Variants in PLK2 observed in about 807,000 individuals in gnomAD.
PLK2 encodes the protein serine/threonine-protein kinase PLK2.
In PLK2, 25 loss-of-function variants were observed where a neutral mutation model predicts 78.1. The observed-to-expected ratio is 0.32, with a 90% CI of 0.23 to 0.45. The LOEUF (loss-of-function observed/expected upper bound fraction) is 0.45, where lower values mean the gene tolerates loss of function less well. Among genes scored for constraint, PLK2 ranks in the 20% least tolerant of loss-of-function variants. The probability of loss-of-function intolerance (pLI) is 1.00; values close to 1 mark genes in which losing one functional copy is unlikely to be tolerated. For synonymous variants in PLK2, 332 were observed against 298.2 expected (o/e 1.11, Z -1.17); for missense variants, 566 against 840.2 (o/e 0.67, Z 4.04).
chr5:58,455,517 T>C (rs904891922), intron 11 of PLK2, 22 bp downstream of exon 11: 9 of 1,613,630 alleles, frequency 5.6e-6, no homozygotes, highest in Non-Finnish European at 6.8e-6. Context: ...ACTGACAGGA[T>C]TTCATTAATT....
At position 58,457,099 on chromosome 5, in the gene PLK2, A is replaced by C; in HGVS notation, c.1009-7T>G. ...GTCTGTCCGGAGTGAAGCCCTGTGG[A>C]ATATTAGAAAAAGCCTTCAGTAACC... On this transcript the variant is annotated splice_polypyrimidine_tract_variant and splice_region_variant and intron_variant, in intron 7 of 13. Coordinates refer to ENST00000274289, the MANE Select transcript of PLK2 (RefSeq NM_006622.4). 1 of 1,611,826 alleles carries C rather than the reference A, an allele frequency of 6.2e-7. No individual in the cohort carries two copies.
chr5:58,454,883 C>T (rs373600692), intron 13 of PLK2, 28 bp downstream of exon 13: 12 of 1,506,518 alleles, frequency 8.0e-6, no homozygotes, highest in South Asian at 1.1e-5. Context: ...AGGACCTAAA[C>T]GTGCACTTTC....
chr5:58,459,810 T>C lies in PLK2; in HGVS notation c.150A>G (p.Gln50=), dbSNP rs1217732605. The C allele has an allele frequency of 3.1e-6, 5 of 1,609,264 alleles. No individual in the cohort carries two copies. Among genetic ancestry groups the C allele is most frequent in the Non-Finnish European group, 4.2e-6 (5 of 1,179,832 alleles). The change falls in exon 1 of 14, where the codon CAA becomes CAG. Residue 50 remains glutamine, a synonymous_variant. Coordinates refer to ENST00000274289, the MANE Select transcript of PLK2 (RefSeq NM_006622.4). ...GGTGGTGAGGGGCCGCCGGGGGCAC[T>C]TGCGCCTGGGACTGAGGTGGCTGCG... ...EESQPPQSQA[Q]VPPAAPHHHH...
At chr5:58,458,874 T>C (rs1442621229) in intron 2 of PLK2, 33 bp from the exon 3 acceptor site, 3 of 1,409,188 alleles carry the variant, frequency 2.1e-6, no homozygotes, top group African/African-American at 1.4e-5. Flanking sequence ...GCTTATTAGC[T>C]TCCAGTCACC....
Position 58,455,576 on chromosome 5 carries a change from T to G in PLK2, c.1588A>C (p.Asn530His). ...LSDHTVGVLF[N>H]NGAHMSLLPD... ...AGGAGGCTCATGTGAGCACCATTGTTGAAAAGGACACCGACGGTGTGGTCT... is the reference window on the plus strand; with the variant it reads ...AGGAGGCTCATGTGAGCACCATTGTGGAAAAGGACACCGACGGTGTGGTCT... The change falls in exon 11 of 14, where the codon AAC becomes CAC. Residue 530 changes from asparagine (N) to histidine (H), a missense_variant. This residue lies in a region of PLK2 where 130 missense variants were observed against 196.4 expected (regional missense o/e 0.66). Coordinates refer to ENST00000274289, the MANE Select transcript of PLK2 (RefSeq NM_006622.4). 1 of 1,614,118 alleles carries G rather than the reference T, an allele frequency of 6.2e-7. No homozygotes were observed. The highest frequency in any genetic ancestry group is 8.5e-7 in the Non-Finnish European group (1 of 1,179,990).
In PLK2 at chr5:58,457,095, G is replaced by A. The variant is rs1207239392; in HGVS notation, c.1009-3C>T. 5 of 1,611,968 alleles carry A rather than the reference G, an allele frequency of 3.1e-6. No individual in the cohort carries two copies. Among genetic ancestry groups the A allele is most frequent in the Non-Finnish European group, 4.2e-6 (5 of 1,179,288 alleles). Reference sequence around the variant, plus strand: ...GACAGTCTGTCCGGAGTGAAGCCCTGTGGAATATTAGAAAAAGCCTTCAGT... The same window carrying A: ...GACAGTCTGTCCGGAGTGAAGCCCTATGGAATATTAGAAAAAGCCTTCAGT... On this transcript the variant is annotated splice_polypyrimidine_tract_variant and splice_region_variant and intron_variant, in intron 7 of 13. Coordinates refer to ENST00000274289, the MANE Select transcript of PLK2 (RefSeq NM_006622.4).
At chr5:58,455,498 G>A (rs778547267) in intron 11 of PLK2, 41 bp downstream of exon 11, 44 of 1,611,002 alleles carry the variant, frequency 2.7e-5, no homozygotes, top group Admixed American at 1.2e-4. Context: ...TTTAGTGCAA[G>A]ACTAGAGAAC....
chr5:58,458,637 C>A lies in PLK2; in HGVS notation c.495+88G>T, dbSNP rs971956242. On this transcript the variant is annotated intron_variant, in intron 3 of 13. Coordinates refer to ENST00000274289, the MANE Select transcript of PLK2 (RefSeq NM_006622.4). ...AGTTAACTTTGCAGTGTAAGTGCTG[C>A]CACAGCTAAAATCCCAGATAAAATA... 1.2e-4 allele frequency: 155 copies of A among 1,281,490 alleles called. 2 individuals carry two copies. The Admixed American group carries it at 2.8e-3, about 23-fold the overall frequency. 79.4% of individuals were successfully genotyped at this position (1,281,490 alleles called of 1,614,324 possible).
At chr5:58,456,681 C>G in intron 8 of PLK2, 92 bp from the exon 9 acceptor site, 2 of 850,196 alleles carry the variant, frequency 2.4e-6, no homozygotes, top group South Asian at 1.7e-5. Context: ...GCATTATTGA[C>G]CAACTTATGA....
chr5:58,459,243 G>A (rs1053346630), intron 1 of PLK2, 151 bp from the exon 2 acceptor site: 5 of 614,612 alleles, frequency 8.1e-6, no homozygotes, highest in East Asian at 2.7e-5. Flanking sequence ...ATTCGACTTC[G>A]TTAAAGCTCC....
In PLK2 at chr5:58,455,321, T is replaced by C; in HGVS notation, c.1719A>G (p.Lys573=). 6.2e-7 allele frequency: 1 copy of C among 1,614,092 alleles called. No homozygotes were observed. The highest frequency in any genetic ancestry group is 1.1e-5 in the South Asian group (1 of 91,086). ...EQFISQVTVL[K]YFSHYMEENL... is the part of the protein sequence containing the mutation. The stretch of plus-strand genomic sequence containing the variant: ...TCTCCTCCATGTAATGAGAAAAGTA[T>C]TTCAGCACCGTCACTTGACTAATAA... Residue 573 remains lysine, a synonymous_variant, in exon 12 of 14, where the codon AAA becomes AAG. Transcript: ENST00000274289.
intron 9 of PLK2, 39 bp downstream of exon 9, chr5:58,456,453 G>C: frequency 8.6e-7 from 1 of 1,168,360 alleles, no homozygotes; most frequent in Admixed American, 1.9e-5. Flanking sequence ...TGGAAATAAC[G>C]TAAAGCGTGA....
chr5:58,456,605 C>A lies in PLK2; in HGVS notation c.1157-16G>T. The stretch of plus-strand genomic sequence containing the variant: ...GACACTCTATCTGTATATCAAGAAA[C>A]AGAATTACAAACATTAGTCTATCTT... On this transcript the variant is annotated splice_polypyrimidine_tract_variant and intron_variant, in intron 8 of 13. Transcript: ENST00000274289. 7.1e-7 allele frequency: 1 copy of A among 1,413,026 alleles called. No individual in the cohort carries two copies. The highest frequency in any genetic ancestry group is 1.0e-6 in the Non-Finnish European group (1 of 1,002,082). 87.5% of individuals were successfully genotyped at this position (1,413,026 alleles called of 1,614,324 possible).
intron 1 of PLK2, chr5:58,459,487 C>T (rs1486359212): frequency 1.7e-6 from 1 of 592,342 alleles, no homozygotes; most frequent in African/African-American, 1.9e-5. Context: ...ACACACAGTT[C>T]TGAGGCTAAG....
At chr5:58,458,614 T>C (rs376001609) in intron 3 of PLK2, 86 bp from the exon 4 acceptor site, 3 of 1,411,090 alleles carry the variant, frequency 2.1e-6, no homozygotes, top group Non-Finnish European at 3.0e-6. Context: ...GCAATGAAAG[T>C]TAACTTTGCA....
intron 1 of PLK2, chr5:58,459,379 T>C: frequency 3.5e-6 from 2 of 563,546 alleles, no homozygotes; most frequent in East Asian, 3.0e-5. Context: ...TGATGAGACT[T>C]GTCAGGAAAA....
rs1359630855 is a variant in PLK2 at position 58,459,805 on chromosome 5, G to A, written c.155C>T (p.Pro52Leu). Reference protein sequence around the residue: ...SQPPQSQAQVPPAAPHHHHHH... With the variant: ...SQPPQSQAQVLPAAPHHHHHH... The stretch of plus-strand genomic sequence containing the variant: ...GTGATGGTGGTGAGGGGCCGCCGGG[G>A]GCACTTGCGCCTGGGACTGAGGTGG... The change falls in exon 1 of 14, where the codon CCC becomes CTC. Residue 52 changes from proline to leucine, a missense_variant. Coordinates refer to ENST00000274289, the MANE Select transcript of PLK2 (RefSeq NM_006622.4). 4.4e-6 allele frequency: 7 copies of A among 1,609,166 alleles called. No individual in the cohort carries two copies. In the East Asian group the frequency reaches 1.6e-4, roughly 36 times the overall value.
At position 58,459,983 on chromosome 5, in the gene PLK2, C is replaced by T; in HGVS notation, c.-24G>A. On this transcript the variant is annotated 5_prime_UTR_variant, in exon 1 of 14. Coordinates refer to ENST00000274289, the MANE Select transcript of PLK2 (RefSeq NM_006622.4). ...ATGGTCGCCTTGCCGCCCCGCACTG[C>T]CCGCTGCCACCCCCTAGGCGCGGTC... 1 of 1,561,134 alleles carries T rather than the reference C, an allele frequency of 6.4e-7. No homozygotes were observed. The highest frequency in any genetic ancestry group is 8.7e-7 in the Non-Finnish European group (1 of 1,153,370).
In PLK2 at chr5:58,460,021, C is replaced by G. The variant is rs1743719244; in HGVS notation, c.-62G>C. 3.3e-6 allele frequency: 5 copies of G among 1,521,712 alleles called. No homozygotes were observed. Among genetic ancestry groups the G allele is most frequent in the South Asian group, 2.5e-5 (2 of 80,312 alleles). 94.3% of individuals were successfully genotyped at this position (1,521,712 alleles called of 1,614,324 possible). On this transcript the variant is annotated 5_prime_UTR_variant, in exon 1 of 14. Transcript: ENST00000274289. ...CCTAGGCGCGGTCACACGTCCGAGC[C>G]GGCCGTGGTCCTCGCACCCTTGCCT...
Sources: allele counts gnomAD v4.1 joint callset, GRCh38; gene constraint gnomAD v4.1.1; regional missense constraint gnomAD v4.1.1; transcripts MANE v1.5; gene names NCBI Gene and HGNC (gene_info 2026-07-23, HGNC 2026-07-21).